DOCK6: variants seen among roughly 807,000 people sequenced by gnomAD.
The protein encoded by DOCK6 is dedicator of cytokinesis 6.
DOCK6 carries 167 observed loss-of-function variants against 230.3 expected under a neutral mutation model. The ratio of observed to expected loss-of-function variants is 0.73; its 90% CI spans 0.64 to 0.82. The LOEUF (loss-of-function observed/expected upper bound fraction) is 0.82. DOCK6 is among the 40% of genes least tolerant of loss of function. The probability of loss-of-function intolerance (pLI) is 0.00; values close to 1 mark genes in which losing one functional copy is unlikely to be tolerated. For missense variants in DOCK6, 2,598 were observed against 2,825.8 expected (o/e 0.92, Z 1.83); for synonymous variants, 1,148 against 1,185.0 (o/e 0.97, Z 0.64).
At chr19:11,209,920 T>C (rs1351353608) in intron 37 of DOCK6, among the ~76,000 whole-genome samples, 4 of 53,602 alleles carry the variant, frequency 7.5e-5, no homozygotes, top group African/African-American at 2.3e-4. Context: ...ACTGTCCACC[T>C]TCTCACCTGT....
At position 11,237,471 on chromosome 19, in the gene DOCK6, G is replaced by A. The variant is rs549496660; in HGVS notation, c.2058C>T (p.Ser686=). The change falls in exon 18 of 48, where the codon TCC becomes TCT. Residue 686 remains serine (S), a synonymous_variant. Transcript: ENST00000294618. The part of the protein sequence containing the change: ...VSVDQPPPSY[S]VLTPDVALPG... Reference sequence around the variant, plus strand: ...GGGCACATACATCGGGTGTGAGCACGGAATAGCTGGGCGGCGGCTGGTCCA... The same window carrying A: ...GGGCACATACATCGGGTGTGAGCACAGAATAGCTGGGCGGCGGCTGGTCCA... 38 of 1,613,568 alleles carry A rather than the reference G, an allele frequency of 2.4e-5. 1 individual carries two copies. Among genetic ancestry groups the A allele is most frequent in the African/African-American group, 2.0e-4 (15 of 74,976 alleles).
chr19:11,230,020 G>A (rs1177926439), intron 22 of DOCK6, among the ~76,000 whole-genome samples: 1 of 146,024 alleles, frequency 6.8e-6, no homozygotes, highest in Non-Finnish European at 1.5e-5. Flanking sequence ...CTCTAGCTTG[G>A]GTGACAGAGC....
chr19:11,211,201 C>A (rs946709190), intron 37 of DOCK6, among the ~76,000 whole-genome samples: 3 of 151,244 alleles, frequency 2.0e-5, no homozygotes, highest in African/African-American at 7.3e-5. Flanking sequence ...CTTGAGTTGA[C>A]TCTACCTGTG....
chr19:11,228,797 C>A, intron 23 of DOCK6, 143 bp downstream of exon 23: 1 of 673,242 alleles, frequency 1.5e-6, no homozygotes. Context: ...CTCCTGACCT[C>A]GTGATCCGCC....
chr19:11,211,808 C>A lies in DOCK6; in HGVS notation c.4719G>T (p.Glu1573Asp). The A allele has an allele frequency of 6.4e-7, 1 of 1,552,218 alleles. No individual in the cohort carries two copies. Among genetic ancestry groups the A allele is most frequent in the East Asian group, 2.4e-5 (1 of 40,990 alleles). Residue 1573 changes from glutamate to aspartate, a missense_variant, in exon 37 of 48, where the codon GAG (glutamate) becomes GAT (aspartate). Glu to Asp is a conservative substitution (Grantham distance 45, BLOSUM62 2). Transcript: ENST00000294618. ...TDTVKMKEHQEDPEMLIDLMY... is the reference protein window; with the variant it reads ...TDTVKMKEHQDDPEMLIDLMY... ...TGAGGTCGATGAGCATCTCAGGGTC[C>A]TCCTGGTGTTCCTTCATCTTCACCG...
chr19:11,232,494 A>G (rs528716193), intron 22 of DOCK6, among the ~76,000 whole-genome samples: 8 of 152,116 alleles, frequency 5.3e-5, no homozygotes, highest in Non-Finnish European at 1.0e-4. Flanking sequence ...GTGCATGCAT[A>G]CACACCCCTG....
chr19:11,251,408 A>G, intron 5 of DOCK6: 2 of 247,078 alleles, frequency 8.1e-6, no homozygotes, highest in South Asian at 1.8e-4. Flanking sequence ...GGGCCAATGA[A>G]AGCCTTCCCT....
At chr19:11,230,975 A>C (rs1047442784) in intron 22 of DOCK6, among the ~76,000 whole-genome samples, 1 of 152,148 alleles carries the variant, frequency 6.6e-6, no homozygotes, top group Non-Finnish European at 1.5e-5. Context: ...CCCCAGTCCC[A>C]GCCATACCCT....
At chr19:11,209,171 G>A (rs569677632) in intron 37 of DOCK6, 68 bp from the exon 38 acceptor site, 1 of 1,530,422 alleles carries the variant, frequency 6.5e-7, no homozygotes, top group Non-Finnish European at 8.8e-7. Context: ...CCTCCCACTT[G>A]TCCATTCTCT....
Position 11,262,478 on chromosome 19 carries a change from C to A in DOCK6, c.-38G>T, listed in dbSNP as rs2080308265. On this transcript the variant is annotated 5_prime_UTR_variant, in exon 1 of 48. Transcript: ENST00000294618. ...CCGCCGCCGCCGCCCCGGGCCCCGG[C>A]CCCGCCGCCGCCGCCGCCTCCCGGT... 1.8e-6 allele frequency: 2 copies of A among 1,114,718 alleles called. No homozygotes were observed. The highest frequency in any genetic ancestry group is 5.1e-5 in the Admixed American group (1 of 19,476). The allele number at this position is 1,114,718 out of a possible 1,614,324, so 69.1% of individuals were successfully genotyped here. A position where few individuals can be genotyped will look rare whatever the true frequency, so the allele number is the denominator to read the frequency against.
At chr19:11,223,775 T>C (rs2079618965) in intron 24 of DOCK6, among the ~76,000 whole-genome samples, 1 of 152,136 alleles carries the variant, frequency 6.6e-6, no homozygotes, top group South Asian at 2.1e-4. Flanking sequence ...GCTTCCCCAG[T>C]AGCTTGGATT....
intron 14 of DOCK6, among the ~76,000 whole-genome samples, chr19:11,239,236 T>A (rs905882029): frequency 6.6e-6 from 1 of 152,100 alleles, no homozygotes. Flanking sequence ...GGCAAGTATG[T>A]GGGAGGGGAA....
chr19:11,232,152 T>C (rs745399005), intron 22 of DOCK6: 1 of 1,271,860 alleles, frequency 7.9e-7, no homozygotes, highest in South Asian at 1.2e-5. Context: ...TGAGGTGGTG[T>C]CACATGAGTG....
chr19:11,204,314 C>T lies in DOCK6; in HGVS notation c.5106G>A (p.Ala1702=), dbSNP rs375692275. The change falls in exon 40 of 48, where the codon GCG becomes GCA. Residue 1702 remains alanine (A), a synonymous_variant. Transcript: ENST00000294618. ...TGAGGTTCTTGTAGACCTCATTCAC[C>T]GCCTCGTAGAGCCCGCCCTGAGGGT... ...GYFTMGGLYE[A]VNEVYKNLIP... 1.5e-4 allele frequency: 248 copies of T among 1,611,532 alleles called. No homozygotes were observed. Among genetic ancestry groups the T allele is most frequent in the East Asian group, 3.6e-4 (16 of 44,828 alleles).
chr19:11,215,036 G>A (rs561238622), intron 32 of DOCK6, among the ~76,000 whole-genome samples: 3 of 150,764 alleles, frequency 2.0e-5, no homozygotes, highest in South Asian at 4.2e-4. Context: ...TCCGCCTCCC[G>A]GGTTCACACC....
intron 35 of DOCK6, 75 bp downstream of exon 35, chr19:11,213,101 C>G: frequency 6.5e-7 from 1 of 1,538,864 alleles, no homozygotes; most frequent in Non-Finnish European, 8.8e-7. Context: ...CTCCCTCACT[C>G]CCTGTATGGT....
Position 11,228,811 on chromosome 19 carries a change from C to T in DOCK6, c.2814+129G>A, listed in dbSNP as rs536051095. ...TCTCCTGACCTCGTGATCCGCCCGC[C>T]TCGGCCTCCCAAAGTGTTGGGATTA... is the stretch of plus-strand genomic sequence containing the variant. On this transcript the variant is annotated intron_variant, in intron 23 of 47. Transcript: ENST00000294618. 20 of 800,136 alleles carry T rather than the reference C, an allele frequency of 2.5e-5. No homozygotes were observed. In the African/African-American group the frequency reaches 3.3e-4, roughly 13 times the overall value. 49.6% of individuals were successfully genotyped at this position (800,136 alleles called of 1,614,324 possible). A position where few individuals can be genotyped will look rare whatever the true frequency, so the allele number is the denominator to read the frequency against.
In DOCK6 at chr19:11,204,224, C is replaced by T; in HGVS notation, c.5196G>A (p.Glu1732=). 1 of 1,566,804 alleles carries T rather than the reference C, an allele frequency of 6.4e-7. No individual in the cohort carries two copies. Among genetic ancestry groups the T allele is most frequent in the Non-Finnish European group, 8.7e-7 (1 of 1,154,328 alleles). Residue 1732 remains glutamate (E), a synonymous_variant, in exon 40 of 48, where the codon GAG becomes GAA. Coordinates refer to ENST00000294618, the MANE Select transcript of DOCK6 (RefSeq NM_020812.4). ...CCTGGTGCATGATCTTGGTGAAGGC[C>T]TCCTGCAGTTTGCCGTGCACCGCGG... ...KLAAVHGKLQ[E]AFTKIMHQSS...
chr19:11,232,632 CATGGGGTGAATGTGT>C (rs1207613411), intron 22 of DOCK6, among the ~76,000 whole-genome samples: 2 of 152,072 alleles, frequency 1.3e-5, no homozygotes, highest in Non-Finnish European at 2.9e-5. Flanking sequence ...TAAGTATATG[CATGGGGTGAATGTGT>C]ATACGCACCC....
Sources: allele counts gnomAD v4.1 joint callset (sites outside exome capture counted in the v4.1 genomes callset), GRCh38; gene constraint gnomAD v4.1.1; transcripts MANE v1.5; gene names NCBI Gene and HGNC (gene_info 2026-07-23, HGNC 2026-07-21).